The following SIN3A variants were observed in gnomAD, a reference collection of about 807,000 sequenced individuals.
The protein encoded by SIN3A is paired amphipathic helix protein Sin3a.
In SIN3A, 14 loss-of-function variants were observed where a neutral mutation model predicts 146.1. The observed-to-expected ratio is 0.10, with a 90% CI of 0.06 to 0.15. SIN3A has a LOEUF of 0.15. SIN3A is among the 10% of genes least tolerant of loss of function. The pLI, the probability that SIN3A is intolerant of heterozygous loss-of-function variation, is 1.00. For missense variants in SIN3A, 1,028 were observed against 1,576.0 expected, an observed-to-expected ratio of 0.65 and a Z score of 5.89; for synonymous variants, 572 against 572.0, an observed-to-expected ratio of 1.00 and a Z score of 0.00.
chr15:75,422,765 C>T lies in SIN3A; in HGVS notation c.248G>A (p.Ser83Asn). The T allele has an allele frequency of 6.2e-7, 1 of 1,614,190 alleles. No individual in the cohort carries two copies. Among genetic ancestry groups the T allele is most frequent in the Non-Finnish European group, 8.5e-7 (1 of 1,180,032 alleles). Residue 83 changes from serine to asparagine, a missense_variant, in exon 3 of 21, where the codon AGC becomes AAC. This residue lies in a region of SIN3A where 152 missense variants were observed against 231.5 expected (regional missense o/e 0.66). Transcript: ENST00000394947. ...SHGPAIAAVH[S>N]SHHHPTAVQP... ...CACCGCTGTTGGGTGATGATGGCTG[C>T]TATGAACTGCTGCTATAGCGGGCCC...
chr15:75,386,461 C>A (rs570925480), intron 16 of SIN3A, among the ~76,000 whole-genome samples: 29 of 152,204 alleles, frequency 1.9e-4, no homozygotes, highest in Non-Finnish European at 3.4e-4. Flanking sequence ...CTCCCACCCC[C>A]ACTGCTAAGC....
intron 9 of SIN3A, among the ~76,000 whole-genome samples, chr15:75,406,560 G>A (rs916957462): frequency 9.9e-5 from 15 of 152,230 alleles, no homozygotes; most frequent in African/African-American, 3.1e-4. Context: ...GGTGGTGGGC[G>A]CCTGTAGTCC....
At chr15:75,373,052 C>A (rs530544091) in intron 20 of SIN3A, among the ~76,000 whole-genome samples, 50 of 152,256 alleles carry the variant, frequency 3.3e-4, no homozygotes, top group African/African-American at 1.2e-3. Flanking sequence ...GAAGCAGAGT[C>A]CAGGCTTGGC....
chr15:75,451,968 A>G (rs1339670521), upstream of SIN3A, among the ~76,000 whole-genome samples: 4 of 152,024 alleles, frequency 2.6e-5, no homozygotes, highest in African/African-American at 9.7e-5. Context: ...TGGAGGAAGC[A>G]GGGAAGCTCT....
chr15:75,383,100 C>T (rs1210695790), intron 17 of SIN3A, among the ~76,000 whole-genome samples: 1 of 150,954 alleles, frequency 6.6e-6, no homozygotes, highest in African/African-American at 2.4e-5. Flanking sequence ...GAGTGAGCCT[C>T]CATCTCGGGA....
At chr15:75,433,408 C>A (rs2074048900) in intron 1 of SIN3A, among the ~76,000 whole-genome samples, 1 of 152,132 alleles carries the variant, frequency 6.6e-6, no homozygotes, top group Non-Finnish European at 1.5e-5. Context: ...CATACTCTAT[C>A]TTTTGGCTGT....
At chr15:75,377,004 T>C (rs1323018417) in intron 19 of SIN3A, among the ~76,000 whole-genome samples, 1 of 152,084 alleles carries the variant, frequency 6.6e-6, no homozygotes, top group Non-Finnish European at 1.5e-5. Context: ...TCAAAACTAT[T>C]CTCATAATAA....
At chr15:75,404,632 C>T (rs1045813299) in intron 9 of SIN3A, among the ~76,000 whole-genome samples, 5 of 151,638 alleles carry the variant, frequency 3.3e-5, no homozygotes, top group South Asian at 4.2e-4. Context: ...TGGTGGTGGG[C>T]GCCTGTAATC....
At chr15:75,423,958 G>A (rs1425477360) in intron 2 of SIN3A, among the ~76,000 whole-genome samples, 1 of 152,070 alleles carries the variant, frequency 6.6e-6, no homozygotes, top group Non-Finnish European at 1.5e-5. Flanking sequence ...TCATGCCACT[G>A]CATTCCAGCC....
intron 17 of SIN3A, among the ~76,000 whole-genome samples, chr15:75,381,939 G>A (rs1043213494): frequency 5.9e-5 from 9 of 152,054 alleles, no homozygotes; most frequent in East Asian, 1.9e-4. Context: ...CAAACTTCTA[G>A]AATTCGCTAA....
chr15:75,419,655 G>A (rs1160771591), intron 3 of SIN3A: 3 of 146,886 alleles, frequency 2.0e-5, no homozygotes, highest in African/African-American at 7.6e-5. Flanking sequence ...CCCCGTCCTA[G>A]TAAAAAAAAA....
chr15:75,384,729 A>G (rs1025757916), intron 16 of SIN3A, among the ~76,000 whole-genome samples: 2 of 152,176 alleles, frequency 1.3e-5, no homozygotes, highest in African/African-American at 4.8e-5. Flanking sequence ...TTAAAATTCT[A>G]AGCATCTTTA....
At chr15:75,403,009 T>A (rs1365443246) in intron 9 of SIN3A, among the ~76,000 whole-genome samples, 1 of 152,178 alleles carries the variant, frequency 6.6e-6, no homozygotes, top group Admixed American at 6.5e-5. Flanking sequence ...GCGATTTGTC[T>A]CCAAATAAAC....
At chr15:75,401,538 A>C (rs2073412347) in intron 10 of SIN3A, among the ~76,000 whole-genome samples, 1 of 152,122 alleles carries the variant, frequency 6.6e-6, no homozygotes, top group Admixed American at 6.6e-5. Flanking sequence ...TCATCTCAAA[A>C]AAAAAATAAT....
chr15:75,374,159 CCCA>C (rs1413445296), intron 20 of SIN3A, among the ~76,000 whole-genome samples: 1 of 152,172 alleles, frequency 6.6e-6, no homozygotes, highest in Non-Finnish European at 1.5e-5. Context: ...TTTGCTTACC[CCCA>C]CATTTGATCC....
intron 2 of SIN3A, among the ~76,000 whole-genome samples, chr15:75,429,431 A>G (rs2073978476): frequency 6.6e-6 from 1 of 152,186 alleles, no homozygotes; most frequent in Non-Finnish European, 1.5e-5. Context: ...TCCTAAAAAA[A>G]GAAAAAGGAA....
At chr15:75,385,003 A>G (rs555978400) in intron 16 of SIN3A, among the ~76,000 whole-genome samples, 124 of 152,170 alleles carry the variant, frequency 8.1e-4, no homozygotes, top group African/African-American at 2.9e-3. Context: ...GCGAAACCCC[A>G]TCTCTACTAA....
At chr15:75,435,532 T>C (rs567673859) in intron 1 of SIN3A, among the ~76,000 whole-genome samples, 264 of 152,160 alleles carry the variant, frequency 1.7e-3, no homozygotes, top group African/African-American at 6.0e-3. Context: ...ACCCTGTCTC[T>C]ACTAAAAACA....
Position 75,375,886 on chromosome 15 carries a change from G to A in SIN3A, c.3384-14C>T. The stretch of plus-strand genomic sequence containing the variant: ...CGCCGTAGATTCCTATTGCAGAAAA[G>A]CCCCGGAGGATGAGAGCTCGTCCAG... On this transcript the variant is annotated splice_polypyrimidine_tract_variant and intron_variant, in intron 19 of 20. Transcript: ENST00000394947. 2.5e-6 allele frequency: 4 copies of A among 1,613,278 alleles called. No individual in the cohort carries two copies. In the South Asian group the frequency reaches 4.4e-5, roughly 18 times the overall value.
Sources: gnomAD v4.1 joint callset for allele counts (sites outside exome capture counted in the v4.1 genomes callset) on GRCh38, gnomAD v4.1.1 for gene constraint, gnomAD v4.1.1 regional missense constraint, MANE v1.5 for transcripts, NCBI Gene and HGNC (gene_info 2026-07-23, HGNC 2026-07-21) for gene names.